The following CEP164 variants were observed in gnomAD, a reference collection of about 807,000 sequenced individuals.
CEP164 encodes centrosomal protein of 164 kDa.
Under a neutral mutation model 182.7 loss-of-function variants are expected in CEP164, and 162 were observed. That is an observed-to-expected ratio of 0.89 (90% CI 0.78 to 1.01). The LOEUF (loss-of-function observed/expected upper bound fraction) is 1.01. Ranked by LOEUF, CEP164 falls within the 50% of genes least tolerant of loss-of-function variation. The pLI is 0.00. For missense variants in CEP164, 1,735 were observed against 1,790.4 expected, an observed-to-expected ratio of 0.97 and a Z score of 0.56; for synonymous variants, 661 against 690.0, an observed-to-expected ratio of 0.96 and a Z score of 0.66.
chr11:117,370,778 G>A (rs2042122709), intron 8 of CEP164, among the ~76,000 whole-genome samples: 1 of 152,126 alleles, frequency 6.6e-6, no homozygotes, highest in Non-Finnish European at 1.5e-5. Context: ...AGCTGTGGTG[G>A]CACACACCTG....
rs556200036 is a variant in CEP164 at position 117,384,414 on chromosome 11, G to A, written c.1724+1472G>A. On this transcript the variant is annotated intron_variant, in intron 14 of 32. Transcript: ENST00000278935. ...ATATGGCTTTCCTGTCACCTTGGTG[G>A]CTGTGGTTAGCCAGTTCAGGATGCT... Among the ~76,000 whole-genome samples, 143 of 152,316 alleles carry A rather than the reference G, an allele frequency of 9.4e-4. 2 individuals are homozygous for A. The highest frequency in any genetic ancestry group is 3.2e-3 in the African/African-American group (132 of 41,568).
chr11:117,325,904 C>T (rs1278126851), upstream of CEP164, among the ~76,000 whole-genome samples: 2 of 147,334 alleles, frequency 1.4e-5, no homozygotes, highest in Non-Finnish European at 3.0e-5. Context: ...GCAAGTAGGA[C>T]CTTTTTTTTT....
Position 117,394,854 on chromosome 11 carries a change from C to T in CEP164, c.2761-66C>T. ...GGTGTGGCATGGTGGGTTCTGGAAC[C>T]CCCTCCTGCCCCTCAGCTAATGCCT... On this transcript the variant is annotated intron_variant, in intron 21 of 32. Transcript: ENST00000278935. This position sits in a 1 kb window ranked among gnomAD's most constrained non-coding sequence, Gnocchi z 4.0. 6.7e-7 allele frequency: 1 copy of T among 1,502,876 alleles called. No homozygotes were observed. Among genetic ancestry groups the T allele is most frequent in the Non-Finnish European group, 9.2e-7 (1 of 1,083,842 alleles). 93.1% of individuals were successfully genotyped at this position (1,502,876 alleles called of 1,614,324 possible).
intron 14 of CEP164, chr11:117,386,792 A>G (rs555277660): frequency 5.2e-6 from 1 of 191,060 alleles, no homozygotes; most frequent in East Asian, 1.3e-4. Context: ...TGCTGGCATG[A>G]GCCTTAAGTA....
At chr11:117,383,752 A>T (rs1290625102) in intron 14 of CEP164, among the ~76,000 whole-genome samples, 1 of 152,218 alleles carries the variant, frequency 6.6e-6, no homozygotes, top group Non-Finnish European at 1.5e-5. Flanking sequence ...GAACTAGATT[A>T]TAGGCCGGGC....
At chr11:117,328,908 C>T (rs2035762156) in intron 1 of CEP164, among the ~76,000 whole-genome samples, 1 of 152,172 alleles carries the variant, frequency 6.6e-6, no homozygotes, top group Non-Finnish European at 1.5e-5. Context: ...TCCTCTCTCC[C>T]GAAGTTCAAG....
At chr11:117,396,236 G>A (rs1413620626) in intron 25 of CEP164, 56 bp downstream of exon 25, 21 of 1,576,014 alleles carry the variant, frequency 1.3e-5, no homozygotes, top group Non-Finnish European at 1.7e-5. Flanking sequence ...TGGGGCATTG[G>A]GAGGGGCTGG....
Position 117,412,268 on chromosome 11 carries a change from TCCCC to T in CEP164, c.*102_*105del. 2.8e-6 allele frequency: 3 copies of T among 1,074,900 alleles called. No individual in the cohort carries two copies. The highest frequency in any genetic ancestry group is 4.0e-6 in the Non-Finnish European group (3 of 749,274). The allele number at this position is 1,074,900 out of a possible 1,614,324, so 66.6% of individuals were successfully genotyped here. A position where few individuals can be genotyped will look rare whatever the true frequency, so the allele number is the denominator to read the frequency against. On this transcript the variant is annotated 3_prime_UTR_variant, in exon 33 of 33. Transcript: ENST00000278935. ...CTTCCATCTGAGAAAGCACCCTCCT[TCCCC>T]CTTTGACTTGCAGGAGCCACCAGGG...
chr11:117,373,686 T>C (rs2042450571), intron 9 of CEP164, 65 bp from the exon 10 acceptor site: 2 of 1,430,962 alleles, frequency 1.4e-6, no homozygotes, highest in Non-Finnish European at 2.0e-6. Flanking sequence ...CAGAATTCCC[T>C]GGGTAGGGAC....
Position 117,409,969 on chromosome 11 carries a change from A to G in CEP164, c.4096+4A>G. 1 of 1,613,804 alleles carries G rather than the reference A, an allele frequency of 6.2e-7. No homozygotes were observed. Among genetic ancestry groups the G allele is most frequent in the Middle Eastern group, 1.7e-4 (1 of 6,060 alleles). ...AAGTGGCGCAAGTATTTTCCATGTA[A>G]GCCCCACTCTGGGCGGAGCCTTCCC... is the stretch of plus-strand genomic sequence containing the variant. On this transcript the variant is annotated splice_donor_region_variant and intron_variant, in intron 30 of 32. Coordinates refer to ENST00000278935, the MANE Select transcript of CEP164 (RefSeq NM_014956.5). The surrounding 1 kb of genome is among the most constrained non-coding windows in gnomAD (Gnocchi z 4.4).
At chr11:117,347,906 A>G (rs981221918) in intron 4 of CEP164, among the ~76,000 whole-genome samples, 1 of 152,136 alleles carries the variant, frequency 6.6e-6, no homozygotes. Context: ...GAAAAATGTA[A>G]TCTGCAAATA....
In CEP164 at chr11:117,411,210, T is replaced by A. The variant is rs1332537446; in HGVS notation, c.4163+316T>A. ...CCTGGTGGGACCCTGCCCCCGCCCC[T>A]CCCTCTAGCCCCTCCAGCCCCGGAG... On this transcript the variant is annotated intron_variant, in intron 31 of 32. Transcript: ENST00000278935. This position sits in a 1 kb window ranked among gnomAD's most constrained non-coding sequence, Gnocchi z 4.4. 6 of 327,810 alleles carry A rather than the reference T, an allele frequency of 1.8e-5. No individual in the cohort carries two copies. The highest frequency in any genetic ancestry group is 8.5e-5 in the Admixed American group (2 of 23,424). The allele number at this position is 327,810 out of a possible 1,614,324, so 20.3% of individuals were successfully genotyped here. A position where few individuals can be genotyped will look rare whatever the true frequency, so the allele number is the denominator to read the frequency against.
At chr11:117,330,719 A>T (rs945231480) in intron 1 of CEP164, among the ~76,000 whole-genome samples, 4 of 152,216 alleles carry the variant, frequency 2.6e-5, no homozygotes, top group African/African-American at 9.6e-5. Flanking sequence ...CTGGTGCTGG[A>T]TATGTCCTTT....
intron 1 of CEP164, among the ~76,000 whole-genome samples, chr11:117,329,089 C>T (rs776239258): frequency 1.9e-4 from 29 of 152,274 alleles, no homozygotes; most frequent in East Asian, 5.8e-4. Context: ...CTGTCAGAAT[C>T]ATTTATTTAT....
In CEP164 at chr11:117,394,425, G is replaced by A; in HGVS notation, c.2692G>A (p.Glu898Lys). The A allele has an allele frequency of 6.2e-7, 1 of 1,614,036 alleles. No individual in the cohort carries two copies. The change falls in exon 21 of 33, where the codon GAA (glutamate) becomes AAA (lysine). Residue 898 changes from glutamate (E) to lysine (K), a missense_variant. Glu to Lys is a moderately conservative substitution (Grantham distance 56, BLOSUM62 1). Coordinates refer to ENST00000278935, the MANE Select transcript of CEP164 (RefSeq NM_014956.5). The surrounding 1 kb of genome is among the most constrained non-coding windows in gnomAD (Gnocchi z 4.0). ...LERLQRAHER[E>K]LETVRQEQHK... Reference sequence around the variant, plus strand: ...GCGCCTGCAGAGGGCCCATGAACGAGAACTGGAGACTGTGAGGCAGGAGCA... The same window carrying A: ...GCGCCTGCAGAGGGCCCATGAACGAAAACTGGAGACTGTGAGGCAGGAGCA...
chr11:117,368,408 G>T (rs2041873073), intron 8 of CEP164, among the ~76,000 whole-genome samples: 1 of 152,204 alleles, frequency 6.6e-6, no homozygotes, highest in African/African-American at 2.4e-5. Flanking sequence ...CAGGAGCTGG[G>T]CCTTAAGGGC....
chr11:117,364,067 T>G (rs1440795458), intron 8 of CEP164: 1 of 152,040 alleles, frequency 6.6e-6, no homozygotes, highest in Non-Finnish European at 1.5e-5. Context: ...TGCCCAGCTA[T>G]GTGTTTTTGT....
At chr11:117,358,748 G>C (rs1304758450) in intron 5 of CEP164, among the ~76,000 whole-genome samples, 1 of 151,940 alleles carries the variant, frequency 6.6e-6, no homozygotes, top group African/African-American at 2.4e-5. Context: ...TGCCCAGACT[G>C]GTCTTGTACC....
chr11:117,389,854 G>A (rs531417771), intron 15 of CEP164, among the ~76,000 whole-genome samples: 1 of 152,080 alleles, frequency 6.6e-6, no homozygotes, highest in South Asian at 2.1e-4. Context: ...CCTTGAGTGA[G>A]TGCCATGCTG....
Sources: gnomAD v4.1 joint callset for allele counts (sites outside exome capture counted in the v4.1 genomes callset) on GRCh38, gnomAD v4.1.1 for gene constraint, Gnocchi (gnomAD v3.1) non-coding constraint, MANE v1.5 for transcripts, NCBI Gene and HGNC (gene_info 2026-07-23, HGNC 2026-07-21) for gene names.